VTI1A: variants seen among roughly 807,000 people sequenced by gnomAD.
VTI1A encodes the protein vesicle transport through interaction with t-SNAREs 1A.
In VTI1A, 22 loss-of-function variants were observed where a neutral mutation model predicts 34.9. That is an observed-to-expected ratio of 0.63 (90% CI 0.45 to 0.90). The LOEUF is 0.90. VTI1A is among the 40% of genes least tolerant of loss of function. The pLI, the probability that VTI1A is intolerant of heterozygous loss-of-function variation, is 0.00. For synonymous variants in VTI1A, 87 were observed against 97.3 expected (o/e 0.89, Z 0.62); for missense variants, 268 against 275.6 (o/e 0.97, Z 0.20).
intron 4 of VTI1A, among the ~76,000 whole-genome samples, chr10:112,531,321 ACT>A (rs1487451661): frequency 6.6e-6 from 1 of 152,034 alleles, no homozygotes; most frequent in African/African-American, 2.4e-5. Flanking sequence ...GATTATCATA[ACT>A]CAACATGGTG....
rs1851234085 is a variant in VTI1A, at chr10:112,548,797, A to C, written c.427+10467A>C. On this transcript the variant is annotated intron_variant, in intron 5 of 7. Transcript: ENST00000393077. ...GACACACATGGGCTTGCCAGGAACC[A>C]TACCAACAATGGCAGCATCACCAGA... 3 of 1,497,920 alleles carry C rather than the reference A, an allele frequency of 2.0e-6. No individual in the cohort carries two copies. The African/African-American group carries it at 4.2e-5, about 21-fold the overall frequency. 92.8% of individuals were successfully genotyped at this position (1,497,920 alleles called of 1,614,324 possible). A position where few individuals can be genotyped will look rare whatever the true frequency, so the allele number is the denominator to read the frequency against.
At chr10:112,751,328 G>A (rs1251719652) in intron 7 of VTI1A, among the ~76,000 whole-genome samples, 1 of 152,092 alleles carries the variant, frequency 6.6e-6, no homozygotes, top group East Asian at 1.9e-4. Context: ...GAGAGAGCAG[G>A]CTACTTGAGG....
intron 5 of VTI1A, among the ~76,000 whole-genome samples, chr10:112,546,698 T>C (rs915462464): frequency 6.6e-6 from 1 of 152,160 alleles, no homozygotes; most frequent in Non-Finnish European, 1.5e-5. Flanking sequence ...AGAGGCATAT[T>C]CATCACAATT....
rs1209916722 is a variant in VTI1A, at chr10:112,618,489, T to TTA, written c.428-49694_428-49693dup. On this transcript the variant is annotated intron_variant, in intron 5 of 7. Coordinates refer to ENST00000393077, the MANE Select transcript of VTI1A (RefSeq NM_145206.4). ...ATAATGAAATATACAAATGATTATA[T>TTA]TATATATATATATATATATATATAT... is the stretch of plus-strand genomic sequence containing the variant. 7.7e-4 allele frequency among the ~76,000 whole-genome samples: 57 copies of TTA among 74,360 alleles called. 2 individuals are homozygous for TTA. The highest frequency in any genetic ancestry group is 2.9e-3 in the South Asian group (5 of 1,700). 48.8% of individuals were successfully genotyped at this position (74,360 alleles called of 152,430 possible).
At chr10:112,733,399 G>A (rs1319415132) in intron 7 of VTI1A, among the ~76,000 whole-genome samples, 1 of 151,916 alleles carries the variant, frequency 6.6e-6, no homozygotes, top group Non-Finnish European at 1.5e-5. Flanking sequence ...CATTCCCCCA[G>A]CCCCCGTCTC....
At position 112,817,777 on chromosome 10, in the gene VTI1A, A is replaced by G. The variant is rs1853566432; in HGVS notation, c.*2394A>G. 1 of 231,252 alleles carries G rather than the reference A, an allele frequency of 4.3e-6. No individual in the cohort carries two copies. The highest frequency in any genetic ancestry group is 8.6e-6 in the Non-Finnish European group (1 of 116,790). 14.3% of individuals were successfully genotyped at this position (231,252 alleles called of 1,614,324 possible). ...GTGAAGTAGATCTGTGAGAGGTTCT[A>G]GGTACTTAGTGTGTAGACTTTGACG... On this transcript the variant is annotated 3_prime_UTR_variant, in exon 8 of 8. Coordinates refer to ENST00000393077, the MANE Select transcript of VTI1A (RefSeq NM_145206.4).
intron 3 of VTI1A, among the ~76,000 whole-genome samples, chr10:112,516,255 A>G (rs925248666): frequency 5.3e-5 from 8 of 152,124 alleles, no homozygotes; most frequent in African/African-American, 1.9e-4. Context: ...TAGTTTCTAC[A>G]TAATAAAAAA....
chr10:112,651,739 G>A (rs1847031050), intron 5 of VTI1A, among the ~76,000 whole-genome samples: 1 of 152,152 alleles, frequency 6.6e-6, no homozygotes. Flanking sequence ...GTGTGTCAGG[G>A]AGGAAATGAA....
intron 5 of VTI1A, among the ~76,000 whole-genome samples, chr10:112,631,392 C>A (rs1325024904): frequency 2.0e-5 from 3 of 152,110 alleles, no homozygotes; most frequent in Non-Finnish European, 1.5e-5. Context: ...CAGAAAGAAA[C>A]CCCATCCTCG....
intron 3 of VTI1A, among the ~76,000 whole-genome samples, chr10:112,487,603 T>C (rs1474075547): frequency 6.6e-6 from 1 of 152,178 alleles, no homozygotes; most frequent in Non-Finnish European, 1.5e-5. Context: ...CCTTGTTATG[T>C]ACAGTTGCTT....
intron 7 of VTI1A, among the ~76,000 whole-genome samples, chr10:112,735,297 C>T (rs933316628): frequency 2.0e-5 from 3 of 152,176 alleles, no homozygotes; most frequent in Admixed American, 6.5e-5. Context: ...TTGTTTCACT[C>T]AAAACAAAAA....
At position 112,745,063 on chromosome 10, in the gene VTI1A, A is replaced by C. The variant is rs550923794; in HGVS notation, c.561-70227A>C. Among the ~76,000 whole-genome samples the C allele has an allele frequency of 3.9e-5, 6 of 152,364 alleles. No homozygotes were observed. In the East Asian group the frequency reaches 1.2e-3, roughly 29 times the overall value. ...CAGGCACCATAAAATGCAGGAAAAA[A>C]GTAGTTTTATTAATTAACTGATTGA... On this transcript the variant is annotated intron_variant, in intron 7 of 7. Transcript: ENST00000393077.
chr10:112,603,807 C>T (rs550794407), intron 5 of VTI1A, among the ~76,000 whole-genome samples: 2 of 152,126 alleles, frequency 1.3e-5, no homozygotes, highest in Non-Finnish European at 1.5e-5. Context: ...CCCACCCAAG[C>T]GTACAAGGCC....
At chr10:112,454,601 C>T (rs1011968442) in intron 1 of VTI1A, among the ~76,000 whole-genome samples, 3 of 150,692 alleles carry the variant, frequency 2.0e-5, no homozygotes, top group Non-Finnish European at 4.4e-5. Flanking sequence ...GATCTTGTCT[C>T]TAAATGAAAA....
intron 3 of VTI1A, among the ~76,000 whole-genome samples, chr10:112,492,991 C>T (rs539267935): frequency 6.6e-6 from 1 of 152,300 alleles, no homozygotes; most frequent in Admixed American, 6.5e-5. Flanking sequence ...CACTGACCTG[C>T]TTTCCTGCTT....
chr10:112,815,216 C>A, intron 7 of VTI1A, 74 bp from the exon 8 acceptor site: 1 of 1,205,578 alleles, frequency 8.3e-7, no homozygotes, highest in Non-Finnish European at 1.2e-6. Flanking sequence ...ATTAGCCAAC[C>A]TGGCCTCGGA....
intron 3 of VTI1A, among the ~76,000 whole-genome samples, chr10:112,475,769 C>G (rs1389435051): frequency 6.6e-6 from 1 of 152,168 alleles, no homozygotes; most frequent in Non-Finnish European, 1.5e-5. Flanking sequence ...TAATTATAAA[C>G]TGATGACAAA....
chr10:112,455,588 C>T (rs987431477), intron 1 of VTI1A, among the ~76,000 whole-genome samples: 1 of 125,788 alleles, frequency 7.9e-6, no homozygotes, highest in Non-Finnish European at 1.7e-5. Context: ...CCCTTCCTCC[C>T]GCCCTCCTTC....
At chr10:112,649,541 C>G (rs1433489100) in intron 5 of VTI1A, among the ~76,000 whole-genome samples, 1 of 152,148 alleles carries the variant, frequency 6.6e-6, no homozygotes, top group African/African-American at 2.4e-5. Context: ...TCTTATGATT[C>G]TCTTCAAGTA....
Sources: allele counts gnomAD v4.1 joint callset (sites outside exome capture counted in the v4.1 genomes callset), GRCh38; gene constraint gnomAD v4.1.1; transcripts MANE v1.5; gene names NCBI Gene and HGNC (gene_info 2026-07-23, HGNC 2026-07-21).